The following NUBPL variants were observed in gnomAD, a reference collection of about 807,000 sequenced individuals.
NUBPL encodes NUBP iron-sulfur cluster assembly factor, mitochondrial, also known as iron-sulfur cluster transfer protein NUBPL.
NUBPL carries 31 observed loss-of-function variants against 45.7 expected under a neutral mutation model. The ratio of observed to expected loss-of-function variants is 0.68; its 90% CI spans 0.51 to 0.92. The LOEUF (loss-of-function observed/expected upper bound fraction) is 0.92. Among genes scored for constraint, NUBPL ranks in the 40% least tolerant of loss-of-function variants. The probability of loss-of-function intolerance (pLI) is 0.00; values close to 1 mark genes in which losing one functional copy is unlikely to be tolerated. For missense variants in NUBPL, 401 were observed against 398.7 expected (o/e 1.01, Z -0.05); for synonymous variants, 144 against 140.9 (o/e 1.02, Z -0.15).
At chr14:31,615,956 C>CTG (rs2034887762) in intron 4 of NUBPL, among the ~76,000 whole-genome samples, 1 of 151,988 alleles carries the variant, frequency 6.6e-6, no homozygotes, top group Admixed American at 6.6e-5. Flanking sequence ...TCTCCAGCAT[C>CTG]TCGTTTCTTG....
chr14:31,632,698 A>G (rs995830612), intron 4 of NUBPL, among the ~76,000 whole-genome samples: 5 of 152,230 alleles, frequency 3.3e-5, no homozygotes, highest in African/African-American at 1.2e-4. Context: ...TAAATTATCC[A>G]GAGTTGTTTA....
At chr14:31,638,185 G>T (rs1228207274) in intron 4 of NUBPL, among the ~76,000 whole-genome samples, 3 of 151,990 alleles carry the variant, frequency 2.0e-5, no homozygotes, top group Non-Finnish European at 4.4e-5. Flanking sequence ...TCCTAGTCTC[G>T]ATGGTCTTTA....
At chr14:31,593,417 G>A (rs2034196753) in intron 3 of NUBPL, among the ~76,000 whole-genome samples, 1 of 151,384 alleles carries the variant, frequency 6.6e-6, no homozygotes, top group African/African-American at 2.4e-5. Flanking sequence ...GGGAGGCTGA[G>A]GCAGGAGAAT....
At chr14:31,706,343 T>A (rs561674174) in intron 6 of NUBPL, among the ~76,000 whole-genome samples, 1 of 152,260 alleles carries the variant, frequency 6.6e-6, no homozygotes, top group East Asian at 1.9e-4. Flanking sequence ...TTAGTTGAGC[T>A]CATTTGGGGT....
chr14:31,751,685 C>T, intron 6 of NUBPL, among the ~76,000 whole-genome samples: 1 of 152,220 alleles, frequency 6.6e-6, no homozygotes, highest in East Asian at 1.9e-4. Context: ...GGTGGATCTA[C>T]CATGCTGGGG....
intron 4 of NUBPL, among the ~76,000 whole-genome samples, chr14:31,607,532 A>C (rs2034636564): frequency 6.6e-6 from 1 of 152,096 alleles, no homozygotes; most frequent in Non-Finnish European, 1.5e-5. Context: ...AATTTAACAA[A>C]GAGATTGAAA....
At chr14:31,653,082 A>G (rs1406473462) in intron 4 of NUBPL, among the ~76,000 whole-genome samples, 1 of 152,186 alleles carries the variant, frequency 6.6e-6, no homozygotes, top group Non-Finnish European at 1.5e-5. Flanking sequence ...ACATACTTCA[A>G]AGGGCAAAAA....
At chr14:31,663,765 A>T (rs1232612883) in intron 4 of NUBPL, among the ~76,000 whole-genome samples, 2 of 152,164 alleles carry the variant, frequency 1.3e-5, no homozygotes, top group East Asian at 3.8e-4. Context: ...GTTTTTTCTA[A>T]TTCTATGAAG....
chr14:31,632,465 G>A (rs113004999), intron 4 of NUBPL, among the ~76,000 whole-genome samples: 1,610 of 152,316 alleles, frequency 0.011, 23 homozygotes, highest in African/African-American at 0.037. Context: ...GCGGCAGCGG[G>A]CAGAGTGAAC....
At chr14:31,807,259 T>A (rs1285507522) in intron 7 of NUBPL, among the ~76,000 whole-genome samples, 1 of 152,022 alleles carries the variant, frequency 6.6e-6, no homozygotes, top group African/African-American at 2.4e-5. Flanking sequence ...GCATTCCTGT[T>A]TCTCTACATA....
chr14:31,645,351 C>T (rs560669323), intron 4 of NUBPL, among the ~76,000 whole-genome samples: 1 of 151,958 alleles, frequency 6.6e-6, no homozygotes, highest in South Asian at 2.1e-4. Context: ...CAGGCGTGAG[C>T]CACTGCACCC....
chr14:31,652,112 G>C (rs966365332), intron 4 of NUBPL, among the ~76,000 whole-genome samples: 1 of 152,022 alleles, frequency 6.6e-6, no homozygotes, highest in East Asian at 1.9e-4. Flanking sequence ...ATACTACTCA[G>C]CCTCATAAAA....
At chr14:31,691,638 A>G (rs1367168492) in intron 6 of NUBPL, among the ~76,000 whole-genome samples, 1 of 152,212 alleles carries the variant, frequency 6.6e-6, no homozygotes, top group African/African-American at 2.4e-5. Flanking sequence ...CTTGAGAATA[A>G]GAGTTTGAGG....
chr14:31,593,701 C>T (rs558281505), intron 3 of NUBPL, among the ~76,000 whole-genome samples: 1 of 151,846 alleles, frequency 6.6e-6, no homozygotes, highest in East Asian at 1.9e-4. Context: ...AAGGGAGTTG[C>T]AATTTTAGAT....
chr14:31,751,709 G>C (rs765575656), intron 6 of NUBPL, among the ~76,000 whole-genome samples: 1 of 152,204 alleles, frequency 6.6e-6, no homozygotes, highest in Non-Finnish European at 1.5e-5. Context: ...GGAGAATAGT[G>C]GCCCTCTTCT....
At chr14:31,817,112 A>G (rs1016504933) in intron 7 of NUBPL, among the ~76,000 whole-genome samples, 1 of 152,122 alleles carries the variant, frequency 6.6e-6, no homozygotes, top group Non-Finnish European at 1.5e-5. Context: ...GAAATAAAGC[A>G]TGAAGACAAA....
At chr14:31,595,935 C>T (rs887046455) in intron 3 of NUBPL, among the ~76,000 whole-genome samples, 4 of 142,262 alleles carry the variant, frequency 2.8e-5, no homozygotes, top group Non-Finnish European at 6.0e-5. Flanking sequence ...AAGACAGAGT[C>T]TCACTCTGTT....
chr14:31,596,811 T>C (rs192783629), intron 3 of NUBPL, among the ~76,000 whole-genome samples: 34 of 152,318 alleles, frequency 2.2e-4, no homozygotes, highest in African/African-American at 7.2e-4. Context: ...TTCATGAGTA[T>C]GGATAATACC....
chr14:31,584,268 G>A (rs1279208431), intron 3 of NUBPL, among the ~76,000 whole-genome samples: 1 of 152,060 alleles, frequency 6.6e-6, no homozygotes, highest in African/African-American at 2.4e-5. Context: ...GGGACTACAG[G>A]CATGTGCCAC....
Sources: allele counts gnomAD v4.1 joint callset (sites outside exome capture counted in the v4.1 genomes callset), GRCh38; gene constraint gnomAD v4.1.1; transcripts MANE v1.5; gene names NCBI Gene and HGNC (gene_info 2026-07-23, HGNC 2026-07-21).